Variants in SH2D4B observed in about 807,000 individuals in gnomAD.
SH2D4B encodes SH2 domain-containing protein 4B.
Under a neutral mutation model 61.5 loss-of-function variants are expected in SH2D4B, and 45 were observed. The observed-to-expected ratio is 0.73, with a 90% CI of 0.58 to 0.94. SH2D4B has a LOEUF of 0.94. Ranked by LOEUF, SH2D4B falls within the 40% of genes least tolerant of loss-of-function variation. SH2D4B has a pLI of 0.00. For missense variants in SH2D4B, 572 were observed against 574.2 expected (o/e 1.00, Z 0.04); for synonymous variants, 224 against 220.4 (o/e 1.02, Z -0.14).
chr10:80,544,584 T>A (rs1841642313), intron 1 of SH2D4B, among the ~76,000 whole-genome samples: 1 of 152,260 alleles, frequency 6.6e-6, no homozygotes, highest in Non-Finnish European at 1.5e-5. Context: ...TTGGGCCCTC[T>A]TGGCTTCCGT....
intron 3 of SH2D4B, among the ~76,000 whole-genome samples, chr10:80,580,194 G>A (rs377366292): frequency 2.0e-5 from 3 of 152,216 alleles, no homozygotes; most frequent in East Asian, 3.8e-4. Flanking sequence ...CTCCTAAAGG[G>A]TTGCAGCCTG....
chr10:80,602,672 T>C (rs1465421159), intron 4 of SH2D4B, among the ~76,000 whole-genome samples: 1 of 152,114 alleles, frequency 6.6e-6, no homozygotes, highest in Admixed American at 6.5e-5. Context: ...CAACAACTCA[T>C]CTTGTGGTAG....
In SH2D4B at chr10:80,603,617, C is replaced by T. The variant is rs745382092; in HGVS notation, c.682C>T (p.Arg228Ter). ...SKAADEERSR[R>*]AQRARDEYRH... is the part of the protein sequence containing the mutation. ...GGCGGCTGATGAGGAGAGGAGCCGC[C>T]GAGCCCAGCGCGCCCGGGACGAGTA... Residue 228 changes from arginine (R) to a stop codon, truncating the protein, a stop_gained, in exon 5 of 8, where the codon CGA (arginine) becomes TGA (stop). Coordinates refer to ENST00000646907, the MANE Select transcript of SH2D4B (RefSeq NM_001388272.1). LOFTEE classifies it high-confidence loss of function. 1.5e-5 allele frequency: 24 copies of T among 1,581,412 alleles called. No individual in the cohort carries two copies. Among genetic ancestry groups the T allele is most frequent in the Admixed American group, 1.1e-4 (6 of 54,556 alleles).
chr10:80,552,831 G>A (rs1227665806), intron 1 of SH2D4B, among the ~76,000 whole-genome samples: 1 of 152,172 alleles, frequency 6.6e-6, no homozygotes, highest in South Asian at 2.1e-4. Context: ...CCCATGTCGT[G>A]TTAGAATTAC....
intron 4 of SH2D4B, among the ~76,000 whole-genome samples, chr10:80,593,716 T>C (rs1266171001): frequency 6.6e-6 from 1 of 152,234 alleles, no homozygotes; most frequent in East Asian, 1.9e-4. Context: ...TTGCTCTGGC[T>C]AGAACTTCCA....
At chr10:80,571,256 C>A (rs910260309) in intron 2 of SH2D4B, among the ~76,000 whole-genome samples, 175 bp from the exon 3 acceptor site, 2 of 152,176 alleles carry the variant, frequency 1.3e-5, no homozygotes, top group African/African-American at 4.8e-5. Context: ...GCTTCCAGAA[C>A]AATTGTGCCG....
At chr10:80,612,009 C>T (rs1169403255) in intron 6 of SH2D4B, among the ~76,000 whole-genome samples, 1 of 152,052 alleles carries the variant, frequency 6.6e-6, no homozygotes, top group African/African-American at 2.4e-5. Flanking sequence ...GGCCAAGTAA[C>T]TTTGCTTAGA....
At chr10:80,560,604 G>T (rs1589335234) in intron 1 of SH2D4B, among the ~76,000 whole-genome samples, 1 of 149,878 alleles carries the variant, frequency 6.7e-6, no homozygotes, top group Admixed American at 6.6e-5. Flanking sequence ...GACCCAGGCT[G>T]GTCTTGAACT....
intron 3 of SH2D4B, 43 bp downstream of exon 3, chr10:80,571,621 G>T: frequency 1.9e-6 from 3 of 1,608,950 alleles, no homozygotes; most frequent in Non-Finnish European, 2.5e-6. Flanking sequence ...CACCTAATTA[G>T]CCCCTGAGAC....
chr10:80,611,019 T>A (rs1421636835), intron 6 of SH2D4B, among the ~76,000 whole-genome samples: 6 of 151,450 alleles, frequency 4.0e-5, no homozygotes, highest in African/African-American at 1.5e-4. Context: ...AAAAATATTT[T>A]AAAAAATTAG....
At chr10:80,603,443 G>T in intron 4 of SH2D4B, 136 bp from the exon 5 acceptor site, 1 of 742,700 alleles carries the variant, frequency 1.3e-6, no homozygotes, top group Non-Finnish European at 2.1e-6. Context: ...CTATTAGGTT[G>T]GTGCAAAAGT....
intron 7 of SH2D4B, among the ~76,000 whole-genome samples, chr10:80,638,297 T>C (rs1224337346): frequency 1.3e-5 from 2 of 152,226 alleles, no homozygotes; most frequent in Non-Finnish European, 2.9e-5. Flanking sequence ...GACGTTGGCC[T>C]CATAAAATGA....
chr10:80,602,768 CATG>C (rs1464094755), intron 4 of SH2D4B, among the ~76,000 whole-genome samples: 1 of 152,192 alleles, frequency 6.6e-6, no homozygotes, highest in African/African-American at 2.4e-5. Context: ...ACATGAATAA[CATG>C]AGGAGGTTGG....
At position 80,588,619 on chromosome 10, in the gene SH2D4B, T is replaced by C. The variant is rs746762672; in HGVS notation, c.496-11T>C. On this transcript the variant is annotated splice_polypyrimidine_tract_variant and intron_variant, in intron 3 of 7. Transcript: ENST00000646907. Reference sequence around the variant, plus strand: ...GTCATCTCGTGTTGTTCTGTTCCCATGACATTTTAGAGGAAAGAGGAAGAG... The same window carrying C: ...GTCATCTCGTGTTGTTCTGTTCCCACGACATTTTAGAGGAAAGAGGAAGAG... The C allele has an allele frequency of 1.9e-5, 31 of 1,613,304 alleles. No homozygotes were observed. The highest frequency in any genetic ancestry group is 1.7e-5 in the Admixed American group (1 of 59,984).
intron 3 of SH2D4B, among the ~76,000 whole-genome samples, chr10:80,586,407 GTATC>G (rs145017477): frequency 0.27 from 40,713 of 151,918 alleles, 6,378 homozygotes; most frequent in African/African-American, 0.43. Context: ...TCGGCACTCT[GTATC>G]TAGCTCAAGG....
At chr10:80,606,982 A>T (rs1012176934) in intron 5 of SH2D4B, among the ~76,000 whole-genome samples, 2 of 152,250 alleles carry the variant, frequency 1.3e-5, no homozygotes, top group African/African-American at 4.8e-5. Flanking sequence ...ACTCCTTTGA[A>T]GGGTTTATAA....
intron 7 of SH2D4B, among the ~76,000 whole-genome samples, chr10:80,635,686 G>A (rs1050211929): frequency 2.0e-5 from 3 of 152,144 alleles, no homozygotes; most frequent in Non-Finnish European, 4.4e-5. Flanking sequence ...GGGGATGTGA[G>A]GACATTGACA....
intron 1 of SH2D4B, among the ~76,000 whole-genome samples, chr10:80,566,687 G>A (rs939079393): frequency 5.3e-5 from 8 of 152,254 alleles, no homozygotes; most frequent in African/African-American, 1.9e-4. Flanking sequence ...ACAACTTGGG[G>A]TTCTGTGGTG....
intron 6 of SH2D4B, among the ~76,000 whole-genome samples, chr10:80,611,558 A>T (rs1842600807): frequency 6.6e-6 from 1 of 152,152 alleles, no homozygotes; most frequent in Non-Finnish European, 1.5e-5. Flanking sequence ...GTGTCCCTGT[A>T]GCCCCGGTAG....
Sources: allele counts gnomAD v4.1 joint callset (sites outside exome capture counted in the v4.1 genomes callset), GRCh38; gene constraint gnomAD v4.1.1; transcripts MANE v1.5; gene names NCBI Gene and HGNC (gene_info 2026-07-23, HGNC 2026-07-21).